The following HDAC4 variants were observed in gnomAD, a reference collection of about 807,000 sequenced individuals.
HDAC4 encodes histone deacetylase 4.
HDAC4 carries 16 observed loss-of-function variants against 135.1 expected under a neutral mutation model. That is an observed-to-expected ratio of 0.12 (90% confidence interval 0.08 to 0.18). The LOEUF is 0.18. HDAC4 is among the 10% of genes least tolerant of loss of function. The probability of loss-of-function intolerance (pLI) is 1.00; values close to 1 mark genes in which losing one functional copy is unlikely to be tolerated. For synonymous variants in HDAC4, 685 were observed against 653.4 expected (o/e 1.05, Z -0.74); for missense variants, 1,143 against 1,511.8 (o/e 0.76, Z 4.05).
In HDAC4 at chr2:239,331,002, C is replaced by T. The variant is rs1011257436; in HGVS notation, c.22+21676G>A. Among the ~76,000 whole-genome samples, 1 of 152,140 alleles carries T rather than the reference C, an allele frequency of 6.6e-6. No homozygotes were observed. The highest frequency in any genetic ancestry group is 1.5e-5 in the Non-Finnish European group (1 of 68,036). On this transcript the variant is annotated intron_variant, in intron 2 of 26. Coordinates refer to ENST00000543185, the MANE Select transcript of HDAC4 (RefSeq NM_001378414.1). This position sits in a 1 kb window ranked among gnomAD's most constrained non-coding sequence, Gnocchi z 4.5. ...GCTGACACAGACCTGCTGCCCTGTGCGTGCGCATTCCCAACCTGCCTGACC... is the reference window on the plus strand; with the variant it reads ...GCTGACACAGACCTGCTGCCCTGTGTGTGCGCATTCCCAACCTGCCTGACC...
intron 2 of HDAC4, among the ~76,000 whole-genome samples, chr2:239,253,153 C>T (rs1274122779): frequency 2.0e-5 from 3 of 152,246 alleles, no homozygotes; most frequent in Non-Finnish European, 2.9e-5. Context: ...TATCACTCAA[C>T]GTGCAACTCA....
In HDAC4 at chr2:239,308,213, C is replaced by G. The variant is rs995940362; in HGVS notation, c.22+44465G>C. Among the ~76,000 whole-genome samples, 2 of 152,148 alleles carry G rather than the reference C, an allele frequency of 1.3e-5. No individual in the cohort carries two copies. The highest frequency in any genetic ancestry group is 4.8e-5 in the African/African-American group (2 of 41,426). The stretch of plus-strand genomic sequence containing the variant: ...GAAGCCCTCCTTGACGATGAGCTAT[C>G]AGCTTAGGGACAAGAGAGCTAGAGA... On this transcript the variant is annotated intron_variant, in intron 2 of 26. Coordinates refer to ENST00000543185, the MANE Select transcript of HDAC4 (RefSeq NM_001378414.1). This position sits in a 1 kb window ranked among gnomAD's most constrained non-coding sequence, Gnocchi z 4.2.
chr2:239,161,119 C>A (rs1298092159), intron 6 of HDAC4, among the ~76,000 whole-genome samples: 2 of 152,126 alleles, frequency 1.3e-5, no homozygotes, highest in African/African-American at 4.8e-5. Context: ...AACCTTTTGA[C>A]CGTATTTTTA....
rs570414291 is a variant in HDAC4 at position 239,216,145 on chromosome 2, C to A, written c.94+20448G>T. ...TTATGCATGCTTTTCCCCTAGTAAT[C>A]ACTGTGAGCACTTTCCACATCAATG... On this transcript the variant is annotated intron_variant, in intron 3 of 26. Coordinates refer to ENST00000543185, the MANE Select transcript of HDAC4 (RefSeq NM_001378414.1). Among the ~76,000 whole-genome samples, 10 of 152,144 alleles carry A rather than the reference C, an allele frequency of 6.6e-5. No individual in the cohort carries two copies. In the South Asian group the frequency reaches 2.1e-3, roughly 32 times the overall value.
intron 1 of HDAC4, among the ~76,000 whole-genome samples, chr2:239,378,799 T>C (rs930767465): frequency 1.3e-5 from 2 of 152,212 alleles, no homozygotes; most frequent in African/African-American, 4.8e-5. Context: ...GAGGGATCCA[T>C]GCATCTCCTA....
At chr2:239,103,819 C>G (rs533772335) in intron 15 of HDAC4, among the ~76,000 whole-genome samples, 2 of 152,366 alleles carry the variant, frequency 1.3e-5, no homozygotes, top group African/African-American at 2.4e-5. Context: ...CACCAGGAGC[C>G]GTAGCACACA....
chr2:239,089,874 G>A (rs750503017), intron 18 of HDAC4, 135 bp downstream of exon 18: 3 of 722,372 alleles, frequency 4.2e-6, no homozygotes, highest in Non-Finnish European at 7.7e-6. Flanking sequence ...TGTGCTGACA[G>A]AGTGGGGTCC....
At chr2:239,195,041 A>G (rs2045282443) in intron 3 of HDAC4, among the ~76,000 whole-genome samples, 1 of 152,286 alleles carries the variant, frequency 6.6e-6, no homozygotes, top group East Asian at 1.9e-4. Flanking sequence ...TTCTGCTGAG[A>G]AGGAGCCTGG....
At position 239,387,358 on chromosome 2, in the gene HDAC4, C is replaced by T. The variant is rs115832027; in HGVS notation, c.-220+13620G>A. Among the ~76,000 whole-genome samples, 1,056 of 152,338 alleles carry T rather than the reference C, an allele frequency of 6.9e-3. 16 individuals carry two copies. The highest frequency in any genetic ancestry group is 0.024 in the African/African-American group (991 of 41,574). On this transcript the variant is annotated intron_variant, in intron 1 of 26. Coordinates refer to ENST00000543185, the MANE Select transcript of HDAC4 (RefSeq NM_001378414.1). The stretch of plus-strand genomic sequence containing the variant: ...AGGCCACTTCCAGCCTCAGTCCCGC[C>T]GCTGCGTGCCTGGCCAGGACCACAG...
In HDAC4 at chr2:239,204,712, C is replaced by A. The variant is rs529534856; in HGVS notation, c.95-14635G>T. ...GAGTCTGCCGCTTCTCGCCCTTCAA[C>A]AGCCAGACCCTGGGAATGGGTCAGG... On this transcript the variant is annotated intron_variant, in intron 3 of 26. Transcript: ENST00000543185. Among the ~76,000 whole-genome samples, 40 of 152,282 alleles carry A rather than the reference C, an allele frequency of 2.6e-4. 2 individuals carry two copies. In the South Asian group the frequency reaches 8.3e-3, roughly 32 times the overall value.
intron 1 of HDAC4, among the ~76,000 whole-genome samples, chr2:239,387,438 A>G (rs796701650): frequency 1.3e-5 from 2 of 152,178 alleles, no homozygotes; most frequent in African/African-American, 4.8e-5. Flanking sequence ...TTACTTTACA[A>G]AACCCCCCAC....
chr2:239,103,322 T>G (rs1403830592), intron 15 of HDAC4, among the ~76,000 whole-genome samples: 1 of 152,128 alleles, frequency 6.6e-6, no homozygotes, highest in Non-Finnish European at 1.5e-5. Flanking sequence ...TGAAGCAGCC[T>G]TCCTTGGACC....
At chr2:239,342,105 A>G (rs1266400481) in intron 2 of HDAC4, among the ~76,000 whole-genome samples, 2 of 152,190 alleles carry the variant, frequency 1.3e-5, no homozygotes, top group African/African-American at 2.4e-5. Context: ...TATTATTTAC[A>G]TATCATCCAC....
intron 2 of HDAC4, among the ~76,000 whole-genome samples, chr2:239,336,725 C>T (rs1447095055): frequency 1.3e-5 from 2 of 152,218 alleles, no homozygotes; most frequent in African/African-American, 2.4e-5. Context: ...TGCACATTCC[C>T]CGCGATTATT....
intron 13 of HDAC4, among the ~76,000 whole-genome samples, chr2:239,113,407 C>A (rs2038854654): frequency 6.6e-6 from 1 of 152,200 alleles, no homozygotes; most frequent in Admixed American, 6.5e-5. Flanking sequence ...TGCCGTGGGC[C>A]CCACGCGGTT....
rs545205166 is a variant in HDAC4 at position 239,146,773 on chromosome 2, AC to A, written c.734-2060del. Among the ~76,000 whole-genome samples the A allele has an allele frequency of 8.1e-3, 1,098 of 135,180 alleles. 17 individuals carry two copies. The highest frequency in any genetic ancestry group is 0.029 in the African/African-American group (1,041 of 35,900). The allele number at this position is 135,180 out of a possible 152,430, so 88.7% of individuals were successfully genotyped here. On this transcript the variant is annotated intron_variant, in intron 7 of 26. Transcript: ENST00000543185. The surrounding 1 kb of genome is among the most constrained non-coding windows in gnomAD (Gnocchi z 4.5). ...CCACGCCCCTCCCAAGGCTGCCCTG[AC>A]CCCCCACAGCCCCACTGCCCCCATC...
intron 24 of HDAC4, chr2:239,055,152 T>C (rs2031615321): frequency 8.6e-6 from 3 of 350,570 alleles, no homozygotes; most frequent in East Asian, 1.4e-4. Flanking sequence ...CAGGGTTCCA[T>C]GAGGGGGAGT....
At chr2:239,107,280 G>T (rs1322735401) in intron 15 of HDAC4, among the ~76,000 whole-genome samples, 2 of 152,214 alleles carry the variant, frequency 1.3e-5, no homozygotes, top group African/African-American at 2.4e-5. Context: ...TTGGGCCTGG[G>T]AGTCCACTGC....
At chr2:239,276,701 C>T (rs995328861) in intron 2 of HDAC4, among the ~76,000 whole-genome samples, 2 of 152,114 alleles carry the variant, frequency 1.3e-5, no homozygotes, top group Non-Finnish European at 2.9e-5. Context: ...CTGGACACTA[C>T]CCGCTGTCTG....
Sources: gnomAD v4.1 joint callset for allele counts (sites outside exome capture counted in the v4.1 genomes callset) on GRCh38, gnomAD v4.1.1 for gene constraint, Gnocchi (gnomAD v3.1) non-coding constraint, MANE v1.5 for transcripts, NCBI Gene and HGNC (gene_info 2026-07-23, HGNC 2026-07-21) for gene names.